Variants in SEPTIN6 observed in about 807,000 individuals in gnomAD.
The protein encoded by SEPTIN6 is septin 6.
A neutral mutation model predicts 33.6 loss-of-function variants in SEPTIN6; 8 were observed. The ratio of observed to expected loss-of-function variants is 0.24; its 90% CI spans 0.14 to 0.43. The LOEUF (loss-of-function observed/expected upper bound fraction) is 0.43. Ranked by LOEUF, SEPTIN6 falls within the 20% of genes least tolerant of loss-of-function variation. SEPTIN6 has a pLI of 1.00. For synonymous variants in SEPTIN6, 131 were observed against 140.0 expected, an observed-to-expected ratio of 0.94 and a Z score of 0.45; for missense variants, 250 against 340.8, an observed-to-expected ratio of 0.73 and a Z score of 2.10.
At chrX:119,690,348 TACACACACACAC>T (rs1196119691) in intron 1 of SEPTIN6, among the ~76,000 whole-genome samples, 9 of 75,015 alleles carry the variant, frequency 1.2e-4, no homozygotes, top group Admixed American at 4.2e-4. Flanking sequence ...TACATACACA[TACACACACACAC>T]ACACACACAC....
intron 8 of SEPTIN6, 118 bp from the exon 9 acceptor site, chrX:119,629,626 G>A: frequency 3.3e-6 from 2 of 597,736 alleles, no homozygotes; most frequent in Non-Finnish European, 5.3e-6. Context: ...TGGAACCTCA[G>A]GGGGCATTTC....
intron 5 of SEPTIN6, among the ~76,000 whole-genome samples, chrX:119,644,407 T>TAAA (rs201584131): frequency 5.2e-5 from 5 of 96,536 alleles, no homozygotes; most frequent in African/African-American, 2.0e-4. Context: ...AGAAATTTAT[T>TAAA]CAAAAAAAAA....
At chrX:119,650,422 A>G (rs2054331797) in intron 4 of SEPTIN6, among the ~76,000 whole-genome samples, 1 of 107,113 alleles carries the variant, frequency 9.3e-6, no homozygotes, top group African/African-American at 3.7e-5. Flanking sequence ...GGTAAGTAGG[A>G]GAACTGGGAT....
intron 2 of SEPTIN6, among the ~76,000 whole-genome samples, chrX:119,674,408 A>G (rs978022762): frequency 1.8e-5 from 2 of 108,123 alleles, no homozygotes; most frequent in Non-Finnish European, 3.8e-5. Context: ...CGATCTTCTG[A>G]CCTCGTGATC....
chrX:119,620,852 C>G (rs1354873279), intron 10 of SEPTIN6, among the ~76,000 whole-genome samples: 3 of 109,588 alleles, frequency 2.7e-5, no homozygotes, highest in Non-Finnish European at 5.7e-5. Flanking sequence ...GAACTCCTGA[C>G]CTCAAGTGAT....
intron 3 of SEPTIN6, among the ~76,000 whole-genome samples, chrX:119,662,591 T>C (rs762714483): frequency 2.0e-4 from 23 of 112,428 alleles, no homozygotes; most frequent in African/African-American, 6.1e-4. Flanking sequence ...TTCTGTGATC[T>C]GGCACCTGCT....
intron 9 of SEPTIN6, among the ~76,000 whole-genome samples, chrX:119,627,791 CTTTTTTTTTTTTTTT>C (rs973249197): frequency 2.7e-5 from 2 of 73,676 alleles, no homozygotes; most frequent in Admixed American, 3.3e-4. Flanking sequence ...ATCTGCACTT[CTTTTTTTTTTTTTTT>C]TTTTTTTTTT....
At position 119,618,700 on chromosome X, in the gene SEPTIN6, T is replaced by C. The variant is rs771217511; in HGVS notation, c.*1393A>G. ...TGGCACCCCAAAGGAAAGCTGTCAG[T>C]TAAAATAGGAACCTCGGCTTAAAAG... On this transcript the variant is annotated 3_prime_UTR_variant, in exon 11 of 11. Coordinates refer to ENST00000394610, the MANE Select transcript of SEPTIN6 (RefSeq NM_145799.4). 6.3e-5 allele frequency: 76 copies of C among 1,198,395 alleles called. No homozygotes were observed. The highest frequency in any genetic ancestry group is 8.2e-5 in the Non-Finnish European group (73 of 889,519).
intron 9 of SEPTIN6, among the ~76,000 whole-genome samples, chrX:119,628,609 C>T (rs1365903387): frequency 9.3e-6 from 1 of 108,101 alleles, no homozygotes; most frequent in Non-Finnish European, 1.9e-5. Flanking sequence ...AGGTTCACCC[C>T]ATTCTCCTGC....
intron 1 of SEPTIN6, among the ~76,000 whole-genome samples, chrX:119,682,930 A>T (rs887627861): frequency 1.2e-4 from 14 of 112,299 alleles, no homozygotes; most frequent in African/African-American, 4.5e-4. Context: ...CTGTCCCTAA[A>T]CTTTCTCCTC....
chrX:119,665,106 T>C (rs1243364204), intron 2 of SEPTIN6, among the ~76,000 whole-genome samples: 55 of 103,510 alleles, frequency 5.3e-4, no homozygotes, highest in South Asian at 1.7e-3. Flanking sequence ...TCTTCTTCTT[T>C]TTTTTTTTTT....
chrX:119,650,073 T>C lies in SEPTIN6; in HGVS notation c.554A>G (p.Lys185Arg). ...CTCACTCTTCGAAATGGCATCTGCT[T>C]TGGCAATGATGGGGATGATGTTCAC... is the stretch of plus-strand genomic sequence containing the variant. Reference protein sequence around the residue: ...SKVNIIPIIAKADAISKSELT... With the variant: ...SKVNIIPIIARADAISKSELT... The change falls in exon 5 of 11, where the codon AAA becomes AGA. Residue 185 changes from lysine to arginine, a missense_variant. By Grantham distance (26) the Lys-to-Arg change is conservative. Transcript: ENST00000394610. 1.7e-6 allele frequency: 2 copies of C among 1,211,321 alleles called. No homozygotes were observed. The highest frequency in any genetic ancestry group is 2.2e-6 in the Non-Finnish European group (2 of 895,383).
In SEPTIN6 at chrX:119,619,942, G is replaced by A. The variant is rs971555432; in HGVS notation, c.*151C>T. 5 of 1,173,807 alleles carry A rather than the reference G, an allele frequency of 4.3e-6. No individual in the cohort carries two copies. Among genetic ancestry groups the A allele is most frequent in the Non-Finnish European group, 5.7e-6 (5 of 880,777 alleles). On this transcript the variant is annotated 3_prime_UTR_variant, in exon 11 of 11. Coordinates refer to ENST00000394610, the MANE Select transcript of SEPTIN6 (RefSeq NM_145799.4). ...TCTATAAACCTTGGCAGGAAGAGAGGAGAGGGCGCGGGTTGGATTGTATGC... is the reference window on the plus strand; with the variant it reads ...TCTATAAACCTTGGCAGGAAGAGAGAAGAGGGCGCGGGTTGGATTGTATGC...
At chrX:119,670,490 G>A (rs2054723869) in intron 2 of SEPTIN6, among the ~76,000 whole-genome samples, 1 of 103,669 alleles carries the variant, frequency 9.6e-6, no homozygotes, top group Non-Finnish European at 2.0e-5. Flanking sequence ...GAACCTGGGA[G>A]ATGGAGGTTG....
At chrX:119,649,661 C>T (rs985592137) in intron 5 of SEPTIN6, among the ~76,000 whole-genome samples, 4 of 109,409 alleles carry the variant, frequency 3.7e-5, no homozygotes, top group African/African-American at 1.0e-4. Context: ...CGCTTGAGCC[C>T]AGGGGTTCAA....
rs189040672 is a variant in SEPTIN6, at chrX:119,620,644, G to C, written c.*42-593C>G. On this transcript the variant is annotated intron_variant, in intron 10 of 10. Transcript: ENST00000394610. ...CTTTTTTGTTGTTGTTGTTGAGATGGAGTTTTGGTCTTTTGCCCAGGCTGG... is the reference window on the plus strand; with the variant it reads ...CTTTTTTGTTGTTGTTGTTGAGATGCAGTTTTGGTCTTTTGCCCAGGCTGG... Among the ~76,000 whole-genome samples the C allele has an allele frequency of 2.0e-3, 218 of 108,314 alleles. 2 individuals carry two copies. Among genetic ancestry groups the C allele is most frequent in the Admixed American group, 2.2e-3 (22 of 10,134 alleles). 94.1% of individuals were successfully genotyped at this position (108,314 alleles called of 115,157 possible). A position where few individuals can be genotyped will look rare whatever the true frequency, so the allele number is the denominator to read the frequency against.
rs2053675693 is a variant in SEPTIN6 at position 119,617,089 on chromosome X, GATGTGTGTACGTGTGTGTGTGTGTGTGT to G, written c.*2976_*3003del. 2.0e-5 allele frequency: 18 copies of G among 882,268 alleles called. No homozygotes were observed. The South Asian group carries it at 6.2e-4, about 31-fold the overall frequency. The allele number at this position is 882,268 out of a possible 1,213,427, so 72.7% of individuals were successfully genotyped here. A position where few individuals can be genotyped will look rare whatever the true frequency, so the allele number is the denominator to read the frequency against. On this transcript the variant is annotated 3_prime_UTR_variant, in exon 11 of 11. Transcript: ENST00000394610. The stretch of plus-strand genomic sequence containing the variant: ...ACTTCTTGGCTTAAGAGAAGTGAGG[GATGTGTGTACGTGTGTGTGTGTGTGTGT>G]GTGTGTGTGTGTGTGTGTGTGTGTG...
At chrX:119,670,580 G>A (rs67651405) in intron 2 of SEPTIN6, among the ~76,000 whole-genome samples, 1,373 of 59,384 alleles carry the variant, frequency 0.023, 32 homozygotes, top group East Asian at 0.18. Context: ...AAAAAAAAAA[G>A]AAGAAGAAGA....
chrX:119,693,146 A>G lies in SEPTIN6; in HGVS notation c.-41T>C, dbSNP rs371962322. On this transcript the variant is annotated 5_prime_UTR_variant, in exon 1 of 11. Transcript: ENST00000394610. ...CAGGGCTGCCACGGGTGCCGCCGCA[A>G]CGGGAGCTACTGCACAGGAAACAGA... 6 of 1,155,897 alleles carry G rather than the reference A, an allele frequency of 5.2e-6. No individual in the cohort carries two copies. The highest frequency in any genetic ancestry group is 5.8e-6 in the Non-Finnish European group (5 of 862,301).
Sources: allele counts gnomAD v4.1 joint callset (sites outside exome capture counted in the v4.1 genomes callset), GRCh38; gene constraint gnomAD v4.1.1; transcripts MANE v1.5; gene names NCBI Gene and HGNC (gene_info 2026-07-23, HGNC 2026-07-21).